Variants in ZSCAN10 observed in about 807,000 individuals in gnomAD.
ZSCAN10 encodes the protein zinc finger and SCAN domain-containing protein 10.
Under a neutral mutation model 63.7 loss-of-function variants are expected in ZSCAN10, and 52 were observed. That is an observed-to-expected ratio of 0.82 (90% CI 0.65 to 1.03). The LOEUF is 1.03. ZSCAN10 is among the 50% of genes least tolerant of loss of function. The probability of loss-of-function intolerance (pLI) is 0.00; values close to 1 mark genes in which losing one functional copy is unlikely to be tolerated. For missense variants in ZSCAN10, 1,223 were observed against 1,103.8 expected (o/e 1.11, Z -1.53); for synonymous variants, 544 against 479.6 (o/e 1.13, Z -1.76).
At position 3,090,006 on chromosome 16, in the gene ZSCAN10, G is replaced by C; in HGVS notation, c.1428C>G (p.Val476=). The change falls in exon 6 of 6, where the codon GTC becomes GTG. Residue 476 remains valine (V), a synonymous_variant. Transcript: ENST00000576985. ...AGCTCTGGCCGCAGTGGGAGCACAG[G>C]ACATCGGTCAGTGGCGGCGCTTCGG... ...SKAEAPPLTD[V]LCSHCGQSFQ... 2.6e-6 allele frequency: 4 copies of C among 1,566,906 alleles called. No individual in the cohort carries two copies. The highest frequency in any genetic ancestry group is 2.6e-6 in the Non-Finnish European group (3 of 1,159,446).
intron 1 of ZSCAN10, among the ~76,000 whole-genome samples, chr16:3,096,233 C>T (rs1957152230): frequency 6.6e-6 from 1 of 152,310 alleles, no homozygotes; most frequent in East Asian, 1.9e-4. Context: ...AGAGCAGGCT[C>T]ATATTTTTGT....
chr16:3,092,547 GC>G lies in ZSCAN10; in HGVS notation c.390del (p.Pro131ArgfsTer77), dbSNP rs1424809246. 10 of 1,524,364 alleles carry G rather than the reference GC, an allele frequency of 6.6e-6. No homozygotes were observed. The highest frequency in any genetic ancestry group is 7.9e-6 in the Non-Finnish European group (9 of 1,137,088). The allele number at this position is 1,524,364 out of a possible 1,614,324, so 94.4% of individuals were successfully genotyped here. On this transcript the variant is annotated frameshift_variant, in exon 2 of 6. Transcript: ENST00000576985. LOFTEE classifies it high-confidence loss of function. ...EGIHREPSHA[G>X]PLDFSCNAGK... ...CCGCTGCCCCACCCTCTCACCAGCG[GC>G]CCCGCGTGGCTGGGCTCCCGGTGGA...
In ZSCAN10 at chr16:3,090,558, G is replaced by T. The variant is rs1366453131; in HGVS notation, c.876C>A (p.Ser292=). 1.2e-6 allele frequency: 2 copies of T among 1,605,878 alleles called. No individual in the cohort carries two copies. Among genetic ancestry groups the T allele is most frequent in the Admixed American group, 3.4e-5 (2 of 59,586 alleles). Reference sequence around the variant, plus strand: ...CCGGCACCCCAGGACTATCTGCCTGGGACTCTGCTAAGATGGGAGTGGGCC... The same window carrying T: ...CCGGCACCCCAGGACTATCTGCCTGTGACTCTGCTAAGATGGGAGTGGGCC... ...AAWPTPILAE[S]QADSPGVPGE... Residue 292 remains serine (S), a synonymous_variant, in exon 6 of 6, where the codon TCC becomes TCA. Transcript: ENST00000576985.
In ZSCAN10 at chr16:3,092,671, C is replaced by G. The variant is rs369655613; in HGVS notation, c.267G>C (p.Leu89=). The G allele has an allele frequency of 6.2e-7, 1 of 1,613,386 alleles. No individual in the cohort carries two copies. The highest frequency in any genetic ancestry group is 1.7e-5 in the Admixed American group (1 of 59,994). ...TKKQILELLV[L]EQFLSVLPPH... ...GAGGCAGCACACTCAGGAACTGCTC[C>G]AGCACCAGCAGCTCCAGGATCTGTT... The change falls in exon 2 of 6, where the codon CTG becomes CTC. Residue 89 remains leucine, a synonymous_variant. Transcript: ENST00000576985.
rs201017742 is a variant in ZSCAN10 at position 3,090,275 on chromosome 16, G to A, written c.1159C>T (p.Arg387Cys). Residue 387 changes from arginine to cysteine, a missense_variant, in exon 6 of 6, where the codon CGC becomes TGC. Transcript: ENST00000576985. ...LCLCCGKSFG[R>C]SSILKLHMRT... ...ATGTGCAGCTTGAGAATGGAGCTGC[G>A]GCCGAAGCTCTTCCCGCAGCAAAGG... 5.4e-5 allele frequency: 87 copies of A among 1,608,686 alleles called. No homozygotes were observed. Among genetic ancestry groups the A allele is most frequent in the Non-Finnish European group, 6.9e-5 (81 of 1,179,294 alleles).
chr16:3,090,345 C>T lies in ZSCAN10; in HGVS notation c.1089G>A (p.Lys363=). 1.2e-6 allele frequency: 2 copies of T among 1,611,652 alleles called. No individual in the cohort carries two copies. Among genetic ancestry groups the T allele is most frequent in the Non-Finnish European group, 1.7e-6 (2 of 1,179,050 alleles). The change falls in exon 6 of 6, where the codon AAG becomes AAA. Residue 363 remains lysine (K), a synonymous_variant. Coordinates refer to ENST00000576985, the MANE Select transcript of ZSCAN10 (RefSeq NM_032805.3). The part of the protein sequence containing the change: ...GVSFPQLSRL[K]AHQLRSHPAG... Reference sequence around the variant, plus strand: ...CCGGGTGCGAGCGCAGCTGGTGCGCCTTCAGGCGAGACAGCTGCGGGAAGC... The same window carrying T: ...CCGGGTGCGAGCGCAGCTGGTGCGCTTTCAGGCGAGACAGCTGCGGGAAGC...
rs1350942609 is a variant in ZSCAN10 at position 3,090,294 on chromosome 16, G to A, written c.1140C>T (p.Cys380=). ...HPAGRSFLCL[C]CGKSFGRSSI... is the part of the protein sequence containing the mutation. ...AGCTGCGGCCGAAGCTCTTCCCGCA[G>A]CAAAGGCACAGGAAGGAGCGCCCAG... Residue 380 remains cysteine, a synonymous_variant, in exon 6 of 6, where the codon TGC becomes TGT. Transcript: ENST00000576985. 3 of 1,609,714 alleles carry A rather than the reference G, an allele frequency of 1.9e-6. No individual in the cohort carries two copies. The highest frequency in any genetic ancestry group is 1.7e-6 in the Non-Finnish European group (2 of 1,179,182).
At position 3,092,661 on chromosome 16, in the gene ZSCAN10, G is replaced by T. The variant is rs367978358; in HGVS notation, c.277C>A (p.Leu93Met). 1.2e-6 allele frequency: 2 copies of T among 1,613,274 alleles called. No individual in the cohort carries two copies. Among genetic ancestry groups the T allele is most frequent in the Non-Finnish European group, 1.7e-6 (2 of 1,179,878 alleles). Residue 93 changes from leucine to methionine, a missense_variant, in exon 2 of 6, where the codon CTG becomes ATG. Leu to Met is a conservative substitution (Grantham distance 15, BLOSUM62 2). Coordinates refer to ENST00000576985, the MANE Select transcript of ZSCAN10 (RefSeq NM_032805.3). ...ILELLVLEQF[L>M]SVLPPHLLGR... ...AGGAGGTGCGGAGGCAGCACACTCA[G>T]GAACTGCTCCAGCACCAGCAGCTCC...
Position 3,092,130 on chromosome 16 carries a change from C to T in ZSCAN10, c.583G>A (p.Gly195Arg). 1 of 1,612,872 alleles carries T rather than the reference C, an allele frequency of 6.2e-7. No homozygotes were observed. Among genetic ancestry groups the T allele is most frequent in the Non-Finnish European group, 8.5e-7 (1 of 1,179,362 alleles). The change falls in exon 3 of 6, where the codon GGA (glycine) becomes AGA (arginine). Residue 195 changes from glycine to arginine, a missense_variant. Transcript: ENST00000576985. ...GAACTTGGGGGAAGCCTCCACTGTC[C>T]CGGCTCAGCAGGCTGGGCAGCCCTT... is the stretch of plus-strand genomic sequence containing the variant. Reference protein sequence around the residue: ...QPRAAQPAEPGQWRLPPSSKQ... With the variant: ...QPRAAQPAEPRQWRLPPSSKQ...
rs376617128 is a variant in ZSCAN10, at chr16:3,089,316, C to T, written c.2118G>A (p.Arg706=). ...GCTCCGCATGGGTAGCCAGGTGCCG[C>T]CGCAGATGCGCGTTGCGCCGGAAGC... ...GRSFRRNAHL[R]RHLATHAEPG... is the part of the protein sequence containing the mutation. Residue 706 remains arginine (R), a synonymous_variant, in exon 6 of 6, where the codon CGG becomes CGA. Transcript: ENST00000576985. 2.3e-5 allele frequency: 36 copies of T among 1,575,956 alleles called. No homozygotes were observed. The highest frequency in any genetic ancestry group is 1.1e-5 in the South Asian group (1 of 87,086).
chr16:3,090,781 G>T, intron 5 of ZSCAN10, 135 bp from the exon 6 acceptor site: 1 of 1,075,028 alleles, frequency 9.3e-7, no homozygotes, highest in East Asian at 2.9e-5. Flanking sequence ...CGGGCACAGT[G>T]GTTCACGCCT....
In ZSCAN10 at chr16:3,092,596, C is replaced by G; in HGVS notation, c.342G>C (p.Glu114Asp). ...LQGQPLRDGE[E>D]VVLLLEGIHR... ...GGATGCCCTCGAGCAGCAGCACCAC[C>G]TCCTCCCCATCCCTGAGCGGCTGCC... The change falls in exon 2 of 6, where the codon GAG (glutamate) becomes GAC (aspartate). Residue 114 changes from glutamate (E) to aspartate (D), a missense_variant. Glu to Asp is a conservative substitution (Grantham distance 45). Transcript: ENST00000576985. The G allele has an allele frequency of 6.3e-7, 1 of 1,595,092 alleles. No homozygotes were observed. The highest frequency in any genetic ancestry group is 8.5e-7 in the Non-Finnish European group (1 of 1,171,526).
rs558823249 is a variant in ZSCAN10, at chr16:3,092,713, C to T, written c.225G>A (p.Pro75=). 136 of 1,613,022 alleles carry T rather than the reference C, an allele frequency of 8.4e-5. 1 individual carries two copies. The highest frequency in any genetic ancestry group is 3.3e-4 in the Middle Eastern group (2 of 6,054). Residue 75 remains proline (P), a synonymous_variant, in exon 2 of 6, where the codon CCG becomes CCA. Coordinates refer to ENST00000576985, the MANE Select transcript of ZSCAN10 (RefSeq NM_032805.3). The stretch of plus-strand genomic sequence containing the variant: ...GGATCTGTTTCTTGGTGTGCAGAGC[C>T]GGCCGCAGCCAGTGGCCGCAGAGCT... ...LRELCGHWLR[P]ALHTKKQILE... is the part of the protein sequence containing the mutation.
intron 5 of ZSCAN10, 109 bp downstream of exon 5, chr16:3,091,431 C>G: frequency 8.0e-7 from 1 of 1,250,660 alleles, no homozygotes; most frequent in Non-Finnish European, 1.2e-6. Flanking sequence ...ATCACTTGAG[C>G]CCAGGAGTGG....
rs143312282 is a variant in ZSCAN10, at chr16:3,095,104, G to A, written c.-67-2100C>T. Among the ~76,000 whole-genome samples, 223 of 152,216 alleles carry A rather than the reference G, an allele frequency of 1.5e-3. 1 individual carries two copies. Among genetic ancestry groups the A allele is most frequent in the Admixed American group, 2.2e-3 (33 of 15,272 alleles). On this transcript the variant is annotated intron_variant, in intron 1 of 5. Coordinates refer to ENST00000576985, the MANE Select transcript of ZSCAN10 (RefSeq NM_032805.3). ...CGAATTTTCAAAATGAAAGGTTAGC[G>A]GGGCTGGCTCACGCCTGTTATCCCA...
At position 3,092,184 on chromosome 16, in the gene ZSCAN10, G is replaced by A; in HGVS notation, c.529C>T (p.Pro177Ser). ...LPAEEPSVLG[P>S]SDEPPRPQPR... ...TGGGGTCGGGGAGGCTCATCCGATG[G>A]GCCCAGCACTGAAGGCTCTTCCGCA... is the stretch of plus-strand genomic sequence containing the variant. Residue 177 changes from proline (P) to serine (S), a missense_variant, in exon 3 of 6, where the codon CCA (proline) becomes TCA (serine). Physicochemically the swap from Pro to Ser is moderately conservative, Grantham distance 74. Coordinates refer to ENST00000576985, the MANE Select transcript of ZSCAN10 (RefSeq NM_032805.3). 6.2e-7 allele frequency: 1 copy of A among 1,612,884 alleles called. No individual in the cohort carries two copies. The highest frequency in any genetic ancestry group is 8.5e-7 in the Non-Finnish European group (1 of 1,179,998).
chr16:3,092,623 C>A lies in ZSCAN10; in HGVS notation c.315G>T (p.Gln105His). Residue 105 changes from glutamine (Q) to histidine (H), a missense_variant, in exon 2 of 6, where the codon CAG becomes CAT. Physicochemically the swap from Gln to His is conservative, Grantham distance 24. Coordinates refer to ENST00000576985, the MANE Select transcript of ZSCAN10 (RefSeq NM_032805.3). ...VLPPHLLGRL[Q>H]GQPLRDGEEV... Reference sequence around the variant, plus strand: ...CCTCCCCATCCCTGAGCGGCTGCCCCTGCAGGCGGCCCAGGAGGTGCGGAG... The same window carrying A: ...CCTCCCCATCCCTGAGCGGCTGCCCATGCAGGCGGCCCAGGAGGTGCGGAG... 6.2e-7 allele frequency: 1 copy of A among 1,607,156 alleles called. No homozygotes were observed. Among genetic ancestry groups the A allele is most frequent in the East Asian group, 2.2e-5 (1 of 44,714 alleles).
rs117190698 is a variant in ZSCAN10, at chr16:3,097,816, G to A, written c.-68+1374C>T. ...GAAATTAGGGAATGGCAGTGATTCT[G>A]GCCATCTCGAAGGAAAGCATGTAAC... is the stretch of plus-strand genomic sequence containing the variant. On this transcript the variant is annotated intron_variant, in intron 1 of 5. Coordinates refer to ENST00000576985, the MANE Select transcript of ZSCAN10 (RefSeq NM_032805.3). Among the ~76,000 whole-genome samples, 3 of 152,076 alleles carry A rather than the reference G, an allele frequency of 2.0e-5. 1 individual carries two copies. In the South Asian group the frequency reaches 6.2e-4, roughly 32 times the overall value.
At position 3,091,530 on chromosome 16, in the gene ZSCAN10, G is replaced by A. The variant is rs371691175; in HGVS notation, c.787+10C>T. On this transcript the variant is annotated intron_variant, in intron 5 of 5. Coordinates refer to ENST00000576985, the MANE Select transcript of ZSCAN10 (RefSeq NM_032805.3). ...ATCAGTGGTCACTTCTCCAGGGAAG[G>A]GTTGCTTACCCAGGGGGTGTGCAGG... The A allele has an allele frequency of 1.2e-6, 2 of 1,614,068 alleles. No individual in the cohort carries two copies. The highest frequency in any genetic ancestry group is 1.7e-6 in the Non-Finnish European group (2 of 1,179,970).
Sources: allele counts gnomAD v4.1 joint callset (sites outside exome capture counted in the v4.1 genomes callset), GRCh38; gene constraint gnomAD v4.1.1; transcripts MANE v1.5; gene names NCBI Gene and HGNC (gene_info 2026-07-23, HGNC 2026-07-21).